PRRX1: variants seen among roughly 807,000 people sequenced by gnomAD.
PRRX1 encodes the protein paired mesoderm homeobox protein 1.
A neutral mutation model predicts 24.0 loss-of-function variants in PRRX1; 8 were observed. The ratio of observed to expected loss-of-function variants is 0.33; its 90% CI spans 0.20 to 0.60. PRRX1 has a LOEUF of 0.60. Ranked by LOEUF, PRRX1 falls within the 20% of genes least tolerant of loss-of-function variation. The probability of loss-of-function intolerance (pLI) is 0.82; values close to 1 mark genes in which losing one functional copy is unlikely to be tolerated. For missense variants in PRRX1, 281 were observed against 322.4 expected (o/e 0.87, Z 0.98); for synonymous variants, 160 against 131.7 (o/e 1.22, Z -1.47).
chr1:170,670,517 T>C (rs967253997), intron 1 of PRRX1, among the ~76,000 whole-genome samples: 6 of 152,044 alleles, frequency 3.9e-5, no homozygotes, highest in Admixed American at 3.3e-4. Flanking sequence ...GTAGATGTTC[T>C]TGAGTAATAC....
intron 1 of PRRX1, among the ~76,000 whole-genome samples, chr1:170,689,759 G>A (rs1162373928): frequency 6.7e-6 from 1 of 150,070 alleles, no homozygotes; most frequent in Non-Finnish European, 1.5e-5. Context: ...ACACAGGTTG[G>A]GTTGTCATAA....
intron 1 of PRRX1, among the ~76,000 whole-genome samples, chr1:170,681,974 G>A (rs1448401238): frequency 2.0e-5 from 3 of 152,088 alleles, no homozygotes; most frequent in Non-Finnish European, 4.4e-5. Flanking sequence ...TTCTAATTTG[G>A]CTGTTTGGAA....
chr1:170,663,798 G>A (rs182250334), upstream of PRRX1: 199 of 164,192 alleles, frequency 1.2e-3, 2 homozygotes, highest in South Asian at 8.5e-3. Flanking sequence ...CCGCCCTGCT[G>A]GCCTCCGCTT....
chr1:170,684,161 C>T (rs1386413040), intron 1 of PRRX1, among the ~76,000 whole-genome samples: 1 of 152,176 alleles, frequency 6.6e-6, no homozygotes, highest in Non-Finnish European at 1.5e-5. Flanking sequence ...CTCCTCTTTT[C>T]CCTATCACTC....
At chr1:170,717,563 C>T (rs1420807215) in intron 1 of PRRX1, among the ~76,000 whole-genome samples, 5 of 151,168 alleles carry the variant, frequency 3.3e-5, no homozygotes, top group African/African-American at 7.3e-5. Flanking sequence ...GGCTTAGTGT[C>T]TAATTGGTCT....
At position 170,729,541 on chromosome 1, in the gene PRRX1, A is replaced by C. The variant is rs142712644; in HGVS notation, c.599+3140A>C. On this transcript the variant is annotated intron_variant, in intron 3 of 3. Coordinates refer to ENST00000239461, the MANE Select transcript of PRRX1 (RefSeq NM_022716.4). Reference sequence around the variant, plus strand: ...TTACATCCAGAGTCATGGATGTGTAATTTATTGTTCAAACTGGGACATTTT... The same window carrying C: ...TTACATCCAGAGTCATGGATGTGTACTTTATTGTTCAAACTGGGACATTTT... 9.5e-4 allele frequency among the ~76,000 whole-genome samples: 145 copies of C among 152,262 alleles called. 1 individual carries two copies. The highest frequency in any genetic ancestry group is 3.3e-3 in the African/African-American group (137 of 41,546).
intron 1 of PRRX1, among the ~76,000 whole-genome samples, chr1:170,691,902 G>A (rs931500194): frequency 1.3e-5 from 2 of 152,154 alleles, no homozygotes; most frequent in East Asian, 3.9e-4. Context: ...TAGGGTGAGG[G>A]GAAGCAGTGT....
At chr1:170,727,186 A>G (rs550284462) in intron 3 of PRRX1, 36 of 152,302 alleles carry the variant, frequency 2.4e-4, no homozygotes, top group African/African-American at 8.4e-4. Flanking sequence ...AAAAAGTTGA[A>G]CATTTTTAAA....
chr1:170,664,163 G>C lies in PRRX1; in HGVS notation c.-56G>C, dbSNP rs2101878730. ...TCCTCTCCCCCCTCGCGCCCACAGC[G>C]TTTGGTGTTGATTCGAGCGGGAAGA... On this transcript the variant is annotated 5_prime_UTR_variant, in exon 1 of 4. Transcript: ENST00000239461. 1.3e-6 allele frequency: 2 copies of C among 1,540,842 alleles called. No individual in the cohort carries two copies. Among genetic ancestry groups the C allele is most frequent in the Non-Finnish European group, 1.8e-6 (2 of 1,142,024 alleles).
At chr1:170,719,440 A>G (rs567965686) in intron 1 of PRRX1, among the ~76,000 whole-genome samples, 7 of 152,368 alleles carry the variant, frequency 4.6e-5, no homozygotes, top group Admixed American at 2.0e-4. Flanking sequence ...ATTTTCCTTG[A>G]CAAACAGGCA....
chr1:170,688,699 A>G lies in PRRX1; in HGVS notation c.241+24240A>G, dbSNP rs1407065483. On this transcript the variant is annotated intron_variant, in intron 1 of 3. Transcript: ENST00000239461. ...AAAGTAAAATAAATGGGCATATTTAACATATAAAACTTTACTATGTTGTAC... is the reference window on the plus strand; with the variant it reads ...AAAGTAAAATAAATGGGCATATTTAGCATATAAAACTTTACTATGTTGTAC... 5.3e-5 allele frequency among the ~76,000 whole-genome samples: 8 copies of G among 152,278 alleles called. No individual in the cohort carries two copies. In the South Asian group the frequency reaches 6.2e-4, roughly 12 times the overall value.
chr1:170,693,471 G>A (rs1053377441), intron 1 of PRRX1, among the ~76,000 whole-genome samples: 2 of 152,036 alleles, frequency 1.3e-5, no homozygotes, highest in African/African-American at 4.8e-5. Context: ...TGGCAGTACA[G>A]CCTTTCTTAT....
rs150551410 is a variant in PRRX1 at position 170,677,811 on chromosome 1, A to G, written c.241+13352A>G. ...AACACAGATCATTTTATATTTTTGGATGGCACCAATATTAAAGATTTTACA... is the reference window on the plus strand; with the variant it reads ...AACACAGATCATTTTATATTTTTGGGTGGCACCAATATTAAAGATTTTACA... On this transcript the variant is annotated intron_variant, in intron 1 of 3. Transcript: ENST00000239461. Among the ~76,000 whole-genome samples, 762 of 152,260 alleles carry G rather than the reference A, an allele frequency of 5.0e-3. 9 individuals carry two copies. The highest frequency in any genetic ancestry group is 0.017 in the African/African-American group (725 of 41,546).
chr1:170,697,091 C>T (rs2101901933), intron 1 of PRRX1, among the ~76,000 whole-genome samples: 1 of 152,190 alleles, frequency 6.6e-6, no homozygotes, highest in South Asian at 2.1e-4. Context: ...TGAATAGAGC[C>T]ACTTCTTAAA....
intron 3 of PRRX1, among the ~76,000 whole-genome samples, chr1:170,735,061 C>A (rs904817828): frequency 6.6e-6 from 1 of 152,130 alleles, no homozygotes; most frequent in Non-Finnish European, 1.5e-5. Context: ...TTAGAAGCAA[C>A]TAAAAACATT....
At chr1:170,684,037 G>C (rs1571320460) in intron 1 of PRRX1, among the ~76,000 whole-genome samples, 1 of 152,272 alleles carries the variant, frequency 6.6e-6, no homozygotes, top group East Asian at 1.9e-4. Context: ...GAAGTGAATG[G>C]CATGACCTCT....
intron 1 of PRRX1, among the ~76,000 whole-genome samples, chr1:170,710,849 A>G (rs894420534): frequency 5.9e-5 from 9 of 152,216 alleles, no homozygotes; most frequent in African/African-American, 2.2e-4. Context: ...CATATAGGCC[A>G]GCCCCTCTTC....
intron 1 of PRRX1, among the ~76,000 whole-genome samples, chr1:170,695,102 G>A (rs1654124165): frequency 6.6e-6 from 1 of 152,102 alleles, no homozygotes; most frequent in Non-Finnish European, 1.5e-5. Context: ...GTCCGTGAAG[G>A]CCTGATTTGC....
chr1:170,694,277 A>AAG (rs1257562927), intron 1 of PRRX1, among the ~76,000 whole-genome samples: 1 of 152,150 alleles, frequency 6.6e-6, no homozygotes, highest in African/African-American at 2.4e-5. Flanking sequence ...TCAGAGTTGA[A>AAG]AGAGAGCTTA....
Sources: gnomAD v4.1 joint callset for allele counts (sites outside exome capture counted in the v4.1 genomes callset) on GRCh38, gnomAD v4.1.1 for gene constraint, MANE v1.5 for transcripts, NCBI Gene and HGNC (gene_info 2026-07-23, HGNC 2026-07-21) for gene names.